CTNNA2: variants seen among roughly 807,000 people sequenced by gnomAD.
The protein encoded by CTNNA2 is catenin alpha-2.
CTNNA2 carries 42 observed loss-of-function variants against 101.0 expected under a neutral mutation model. The observed-to-expected ratio is 0.42, with a 90% CI of 0.32 to 0.54. CTNNA2 has a LOEUF of 0.54. CTNNA2 is among the 20% of genes least tolerant of loss of function. The pLI, the probability that CTNNA2 is intolerant of heterozygous loss-of-function variation, is 0.14. For synonymous variants in CTNNA2, 450 were observed against 456.4 expected (o/e 0.99, Z 0.18); for missense variants, 871 against 1,223.1 (o/e 0.71, Z 4.29).
chr2:79,276,703 C>G (rs1156849084), intron 2 of CTNNA2, among the ~76,000 whole-genome samples: 2 of 151,842 alleles, frequency 1.3e-5, no homozygotes, highest in Non-Finnish European at 2.9e-5. Context: ...TTTCTTTGTA[C>G]TACTTTTCCT....
chr2:80,475,088 C>T (rs184843535), intron 9 of CTNNA2, among the ~76,000 whole-genome samples: 3 of 152,274 alleles, frequency 2.0e-5, no homozygotes, highest in Admixed American at 2.0e-4. Context: ...AGAGATGATG[C>T]TGTACAGTCA....
At chr2:79,759,483 A>G (rs1206485120) in intron 3 of CTNNA2, among the ~76,000 whole-genome samples, 1 of 152,136 alleles carries the variant, frequency 6.6e-6, no homozygotes, top group African/African-American at 2.4e-5. Flanking sequence ...CAGGCTCACC[A>G]AGCTTGCTCT....
chr2:79,690,821 G>A (rs1684245614), intron 2 of CTNNA2, among the ~76,000 whole-genome samples: 1 of 151,940 alleles, frequency 6.6e-6, no homozygotes, highest in African/African-American at 2.4e-5. Flanking sequence ...AATTTATACA[G>A]TAGGTTGTGT....
chr2:80,235,810 T>A (rs559813446), intron 7 of CTNNA2, among the ~76,000 whole-genome samples: 1 of 152,296 alleles, frequency 6.6e-6, no homozygotes, highest in African/African-American at 2.4e-5. Flanking sequence ...TTCTCTGATT[T>A]TTTCAAAATT....
chr2:79,927,952 G>A (rs1442116226), intron 7 of CTNNA2, among the ~76,000 whole-genome samples: 2 of 151,986 alleles, frequency 1.3e-5, no homozygotes, highest in Non-Finnish European at 2.9e-5. Flanking sequence ...CTCAATATAT[G>A]GAGCATAATA....
intron 7 of CTNNA2, among the ~76,000 whole-genome samples, chr2:80,216,204 G>T (rs547102468): frequency 1.8e-4 from 27 of 152,232 alleles, no homozygotes; most frequent in African/African-American, 5.3e-4. Flanking sequence ...GACCCCTTGT[G>T]CTTCCAAGGT....
chr2:79,766,291 C>G (rs79995356), intron 3 of CTNNA2, among the ~76,000 whole-genome samples: 1 of 152,156 alleles, frequency 6.6e-6, no homozygotes, highest in Non-Finnish European at 1.5e-5. Flanking sequence ...GATGTTTTCA[C>G]CAGATATACT....
intron 2 of CTNNA2, among the ~76,000 whole-genome samples, chr2:79,217,235 C>A (rs539200247): frequency 6.6e-6 from 1 of 152,090 alleles, no homozygotes; most frequent in African/African-American, 2.4e-5. Flanking sequence ...ATCTTTTTCA[C>A]GGAGCAAAGA....
chr2:80,436,355 G>A (rs897988602), intron 9 of CTNNA2, among the ~76,000 whole-genome samples: 149 of 149,880 alleles, frequency 9.9e-4, no homozygotes, highest in African/African-American at 3.2e-3. Flanking sequence ...ATTTTAACAG[G>A]ATTCACAGGT....
At chr2:80,586,930 G>A (rs1696025706) in intron 14 of CTNNA2, among the ~76,000 whole-genome samples, 1 of 152,072 alleles carries the variant, frequency 6.6e-6, no homozygotes, top group Non-Finnish European at 1.5e-5. Context: ...GACACCATAG[G>A]CAACTCATGT....
At chr2:79,337,953 T>C (rs550284942) in intron 3 of CTNNA2, among the ~76,000 whole-genome samples, 1 of 152,014 alleles carries the variant, frequency 6.6e-6, no homozygotes, top group South Asian at 2.1e-4. Context: ...GAGTAAAACA[T>C]TGGTAGTCAG....
Position 79,835,725 on chromosome 2 carries a change from C to T in CTNNA2, c.299-22288C>T, listed in dbSNP as rs192759861. Among the ~76,000 whole-genome samples, 220 of 110,724 alleles carry T rather than the reference C, an allele frequency of 2.0e-3. 1 individual carries two copies. The highest frequency in any genetic ancestry group is 6.7e-3 in the African/African-American group (187 of 27,936). 72.6% of individuals were successfully genotyped at this position (110,724 alleles called of 152,430 possible). On this transcript the variant is annotated intron_variant, in intron 3 of 18. Coordinates refer to ENST00000402739, the MANE Select transcript of CTNNA2 (RefSeq NM_001282597.3). ...TTTTGAGACAGAGTGTTGCTGTGCCCGGATTCAAGCAATTCTCCTGCCTCA... is the reference window on the plus strand; with the variant it reads ...TTTTGAGACAGAGTGTTGCTGTGCCTGGATTCAAGCAATTCTCCTGCCTCA...
chr2:80,628,770 TGA>T (rs988820557), intron 18 of CTNNA2, among the ~76,000 whole-genome samples: 27 of 152,050 alleles, frequency 1.8e-4, no homozygotes, highest in African/African-American at 6.3e-4. Flanking sequence ...CTTCCCTTGC[TGA>T]GTTATACTGG....
At chr2:79,537,553 C>T (rs1045651536) in intron 1 of CTNNA2, among the ~76,000 whole-genome samples, 1 of 152,150 alleles carries the variant, frequency 6.6e-6, no homozygotes, top group African/African-American at 2.4e-5. Flanking sequence ...GGCTTCCTTG[C>T]AGAACGGTTA....
chr2:80,510,387 T>C (rs1280971653), intron 9 of CTNNA2, among the ~76,000 whole-genome samples: 2 of 152,200 alleles, frequency 1.3e-5, no homozygotes, highest in Non-Finnish European at 2.9e-5. Flanking sequence ...GTCTCCTTAT[T>C]GATTATCTGA....
rs535049271 is a variant in CTNNA2 at position 79,747,925 on chromosome 2, C to G, written c.298+3343C>G. 8.5e-5 allele frequency among the ~76,000 whole-genome samples: 13 copies of G among 152,304 alleles called. No individual in the cohort carries two copies. The South Asian group carries it at 2.7e-3, about 32-fold the overall frequency. On this transcript the variant is annotated intron_variant, in intron 3 of 18. Coordinates refer to ENST00000402739, the MANE Select transcript of CTNNA2 (RefSeq NM_001282597.3). ...CAGTGTCAAATTCAAAGAAGCATTACTATAGTATGCAAAATAACCCAAAAA... is the reference window on the plus strand; with the variant it reads ...CAGTGTCAAATTCAAAGAAGCATTAGTATAGTATGCAAAATAACCCAAAAA...
At chr2:79,934,654 A>G (rs754275167) in intron 7 of CTNNA2, among the ~76,000 whole-genome samples, 1 of 152,206 alleles carries the variant, frequency 6.6e-6, no homozygotes, top group Non-Finnish European at 1.5e-5. Context: ...CTCTTCTGTG[A>G]TGAAAGCTGT....
chr2:79,702,286 AAT>A (rs1287389783), intron 2 of CTNNA2, among the ~76,000 whole-genome samples: 1 of 152,080 alleles, frequency 6.6e-6, no homozygotes, highest in Non-Finnish European at 1.5e-5. Context: ...ATGTGTGAAA[AAT>A]ATGAGATTCA....
chr2:79,685,856 A>G (rs1683897052), intron 2 of CTNNA2, among the ~76,000 whole-genome samples: 1 of 152,166 alleles, frequency 6.6e-6, no homozygotes, highest in South Asian at 2.1e-4. Context: ...TTGCAGTTCC[A>G]AAGAGGATAC....
Sources: allele counts gnomAD v4.1 joint callset (sites outside exome capture counted in the v4.1 genomes callset), GRCh38; gene constraint gnomAD v4.1.1; transcripts MANE v1.5; gene names NCBI Gene and HGNC (gene_info 2026-07-23, HGNC 2026-07-21).